AKAP13: variants seen among roughly 807,000 people sequenced by gnomAD.
AKAP13 encodes the protein A-kinase anchor protein 13.
Under a neutral mutation model 264.5 loss-of-function variants are expected in AKAP13, and 80 were observed. The observed-to-expected ratio is 0.30, with a 90% CI of 0.25 to 0.36. The LOEUF is 0.36. Ranked by LOEUF, AKAP13 falls within the 10% of genes least tolerant of loss-of-function variation. The pLI, the probability that AKAP13 is intolerant of heterozygous loss-of-function variation, is 1.00. For synonymous variants in AKAP13, 1,380 were observed against 1,250.2 expected (o/e 1.10, Z -2.19); for missense variants, 3,712 against 3,435.2 (o/e 1.08, Z -2.01).
In AKAP13 at chr15:85,746,175, G is replaced by A. The variant is rs1163881653; in HGVS notation, c.*1498G>A. The stretch of plus-strand genomic sequence containing the variant: ...AGCACACTTAAAAAAAGAAAAATCT[G>A]TAACTTGGTGCTTATTGATGAATTG... On this transcript the variant is annotated 3_prime_UTR_variant, in exon 37 of 37. Coordinates refer to ENST00000394518, the MANE Select transcript of AKAP13 (RefSeq NM_007200.5). The A allele has an allele frequency of 6.6e-6, 1 of 152,568 alleles. No homozygotes were observed. The highest frequency in any genetic ancestry group is 1.9e-4 in the East Asian group (1 of 5,202). The allele number at this position is 152,568 out of a possible 1,614,324, so 9.5% of individuals were successfully genotyped here. A position where few individuals can be genotyped will look rare whatever the true frequency, so the allele number is the denominator to read the frequency against.
intron 1 of AKAP13, among the ~76,000 whole-genome samples, chr15:85,407,878 C>G (rs893664902): frequency 6.6e-6 from 1 of 151,614 alleles, no homozygotes; most frequent in Non-Finnish European, 1.5e-5. Flanking sequence ...AGCATTGCCT[C>G]TCAGACAAGT....
intron 2 of AKAP13, among the ~76,000 whole-genome samples, chr15:85,502,391 CAT>C (rs985947080): frequency 3.2e-4 from 49 of 152,204 alleles, no homozygotes; most frequent in Non-Finnish European, 5.6e-4. Flanking sequence ...AAGCATTTAA[CAT>C]ATGTAATTTA....
intron 1 of AKAP13, among the ~76,000 whole-genome samples, chr15:85,478,667 C>A (rs2075257666): frequency 6.6e-6 from 1 of 151,866 alleles, no homozygotes; most frequent in African/African-American, 2.4e-5. Flanking sequence ...TTAGACTCTT[C>A]ATTTCCTTCA....
At chr15:85,654,878 T>A (rs945750007) in intron 10 of AKAP13, among the ~76,000 whole-genome samples, 2 of 151,666 alleles carry the variant, frequency 1.3e-5, no homozygotes, top group Non-Finnish European at 2.9e-5. Flanking sequence ...GTGTAGTACC[T>A]CTAGTAAGAG....
At chr15:85,452,726 G>A (rs2074136308) in intron 1 of AKAP13, among the ~76,000 whole-genome samples, 1 of 152,182 alleles carries the variant, frequency 6.6e-6, no homozygotes, top group Admixed American at 6.5e-5. Flanking sequence ...CAGTTGTTCA[G>A]TTGTGTGGCT....
intron 1 of AKAP13, among the ~76,000 whole-genome samples, chr15:85,484,515 T>C (rs931734899): frequency 6.6e-6 from 1 of 152,180 alleles, no homozygotes; most frequent in African/African-American, 2.4e-5. Flanking sequence ...TGCTTGTCAG[T>C]TTTCTACTGC....
intron 8 of AKAP13, among the ~76,000 whole-genome samples, chr15:85,607,384 T>C (rs2080398224): frequency 6.6e-6 from 1 of 152,258 alleles, no homozygotes; most frequent in South Asian, 2.1e-4. Flanking sequence ...ATATGCACCC[T>C]TGTAGGCTGA....
rs142338739 is a variant in AKAP13, at chr15:85,485,696, C to T, written c.-11-14C>T. 370 of 1,611,726 alleles carry T rather than the reference C, an allele frequency of 2.3e-4. 2 individuals carry two copies. In the African/African-American group the frequency reaches 4.1e-3, roughly 18 times the overall value. ...CTTTTAATTTTATTCTCATTTATTC[C>T]ATTTCTGTTTCAGTGTCCTGGGTCA... On this transcript the variant is annotated splice_polypyrimidine_tract_variant and intron_variant, in intron 1 of 36. Transcript: ENST00000394518.
intron 33 of AKAP13, among the ~76,000 whole-genome samples, chr15:85,737,227 CTTCT>C (rs1243191466): frequency 1.7e-4 from 26 of 152,014 alleles, no homozygotes; most frequent in Admixed American, 8.5e-4. Context: ...GCCATATCTT[CTTCT>C]TTGAGTATTG....
intron 18 of AKAP13, among the ~76,000 whole-genome samples, chr15:85,710,265 G>C (rs777149942): frequency 2.0e-5 from 3 of 152,122 alleles, no homozygotes; most frequent in Non-Finnish European, 4.4e-5. Flanking sequence ...CACTGCCTTG[G>C]GTGAGGAGAG....
intron 2 of AKAP13, among the ~76,000 whole-genome samples, chr15:85,520,347 A>T (rs1211733124): frequency 1.3e-5 from 2 of 151,728 alleles, no homozygotes; most frequent in Non-Finnish European, 2.9e-5. Context: ...ATACAAAAAA[A>T]TTTAGCTGGG....
At chr15:85,463,274 C>T (rs1184182331) in intron 1 of AKAP13, among the ~76,000 whole-genome samples, 2 of 152,086 alleles carry the variant, frequency 1.3e-5, no homozygotes, top group African/African-American at 4.8e-5. Flanking sequence ...AATATTTGAA[C>T]AAACAAGGGA....
chr15:85,632,753 A>G (rs2081896502), intron 8 of AKAP13, among the ~76,000 whole-genome samples: 1 of 152,262 alleles, frequency 6.6e-6, no homozygotes, highest in African/African-American at 2.4e-5. Context: ...AATGACAGGA[A>G]AAGTATAGAG....
chr15:85,645,826 A>G lies in AKAP13; in HGVS notation c.4246A>G (p.Asn1416Asp). 1 of 1,593,960 alleles carries G rather than the reference A, an allele frequency of 6.3e-7. No individual in the cohort carries two copies. The highest frequency in any genetic ancestry group is 8.5e-7 in the Non-Finnish European group (1 of 1,173,924). The part of the protein sequence containing the change: ...LASKQSPECE[N>D]FLDVGLGREC... ...TAAATTCTCTTTTTCAGAATGTGAG[A>G]ACTTCCTGGATGTTGGACTGGGCAG... Residue 1416 changes from asparagine to aspartate, a missense_variant, in exon 10 of 37, where the codon AAC (asparagine) becomes GAC (aspartate). Transcript: ENST00000394518.
intron 5 of AKAP13, among the ~76,000 whole-genome samples, chr15:85,548,799 G>A (rs1324088199): frequency 6.6e-6 from 1 of 152,006 alleles, no homozygotes; most frequent in Non-Finnish European, 1.5e-5. Flanking sequence ...AGAGAGATTG[G>A]AGAATTGTAG....
rs1486247117 is a variant in AKAP13, at chr15:85,741,715, AAC to A, written c.8058+222_8058+223del. ...TCTCTCCTAAAAAAAAAAAAAAAAA[AAC>A]AAACAAACAAACAAAAAAAAAAAAC... On this transcript the variant is annotated intron_variant, in intron 35 of 36. Transcript: ENST00000394518. Among the ~76,000 whole-genome samples the A allele has an allele frequency of 4.8e-4, 36 of 75,008 alleles. 1 individual carries two copies. The highest frequency in any genetic ancestry group is 1.5e-3 in the African/African-American group (27 of 17,958). The allele number at this position is 75,008 out of a possible 152,430, so 49.2% of individuals were successfully genotyped here.
At chr15:85,734,764 T>C (rs770051192) in intron 30 of AKAP13, among the ~76,000 whole-genome samples, 50 of 152,200 alleles carry the variant, frequency 3.3e-4, no homozygotes, top group Non-Finnish European at 1.0e-4. Context: ...ACTTTCAAAT[T>C]TCCTAGGCCT....
intron 13 of AKAP13, among the ~76,000 whole-genome samples, chr15:85,665,749 G>C (rs960546394): frequency 2.0e-5 from 3 of 152,070 alleles, no homozygotes; most frequent in South Asian, 2.1e-4. Flanking sequence ...TCATTGTTCA[G>C]TTCCCACCTA....
In AKAP13 at chr15:85,575,469, G is replaced by A. The variant is rs930727814; in HGVS notation, c.861+140G>A. The A allele has an allele frequency of 2.7e-5, 21 of 786,642 alleles. No individual in the cohort carries two copies. In the East Asian group the frequency reaches 3.8e-4, roughly 14 times the overall value. 48.7% of individuals were successfully genotyped at this position (786,642 alleles called of 1,614,324 possible). A position where few individuals can be genotyped will look rare whatever the true frequency, so the allele number is the denominator to read the frequency against. On this transcript the variant is annotated intron_variant, in intron 6 of 36. Coordinates refer to ENST00000394518, the MANE Select transcript of AKAP13 (RefSeq NM_007200.5). The stretch of plus-strand genomic sequence containing the variant: ...TTCCTGGTGGGAGGCTGAGACGGGC[G>A]GATCACGAGGTCAGGAGATGGAGAC...
Sources: gnomAD v4.1 joint callset for allele counts (sites outside exome capture counted in the v4.1 genomes callset) on GRCh38, gnomAD v4.1.1 for gene constraint, MANE v1.5 for transcripts, NCBI Gene and HGNC (gene_info 2026-07-23, HGNC 2026-07-21) for gene names.